The following CIB3 variants were observed in gnomAD, a reference collection of about 807,000 sequenced individuals.
CIB3 encodes the protein calcium and integrin-binding family member 3.
Under a neutral mutation model 23.4 loss-of-function variants are expected in CIB3, and 22 were observed. The observed-to-expected ratio is 0.94, with a 90% CI of 0.67 to 1.34. CIB3 has a LOEUF of 1.34. Among genes scored for constraint, CIB3 ranks in the 40% most tolerant of loss-of-function variants. The probability of loss-of-function intolerance (pLI) is 0.00; values close to 1 mark genes in which losing one functional copy is unlikely to be tolerated. For missense variants in CIB3, 258 were observed against 247.3 expected (o/e 1.04, Z -0.29); for synonymous variants, 93 against 95.8 (o/e 0.97, Z 0.17).
In CIB3 at chr19:16,173,177, C is replaced by T; in HGVS notation, c.71G>A (p.Arg24Lys). The T allele has an allele frequency of 6.2e-7, 1 of 1,613,792 alleles. No homozygotes were observed. Among genetic ancestry groups the T allele is most frequent in the Non-Finnish European group, 8.5e-7 (1 of 1,179,962 alleles). The change falls in exon 2 of 6, where the codon AGG (arginine) becomes AAG (lysine). Residue 24 changes from arginine (R) to lysine (K), a missense_variant. Arg to Lys is a conservative substitution (Grantham distance 26). Transcript: ENST00000269878. ...CTGGACTGACCTCATGATCTCCTTC[C>T]TTGTGAAAAATGTGCAGTCCTGTGG... ...EAYQDCTFFT[R>K]KEIMRLFYRY...
chr19:16,171,796 G>A (rs1247905507), intron 2 of CIB3, among the ~76,000 whole-genome samples: 1 of 152,200 alleles, frequency 6.6e-6, no homozygotes. Context: ...GACCCTGCAA[G>A]CTGTCCTCAC....
intron 3 of CIB3, among the ~76,000 whole-genome samples, chr19:16,169,297 C>G (rs757400874): frequency 6.6e-6 from 1 of 151,344 alleles, no homozygotes; most frequent in African/African-American, 2.4e-5. Flanking sequence ...GTGTGCACTA[C>G]CACGCCCAGC....
At position 16,173,209 on chromosome 19, in the gene CIB3, G is replaced by A. The variant is rs2091337522; in HGVS notation, c.52-13C>T. The A allele has an allele frequency of 3.7e-6, 6 of 1,613,974 alleles. No individual in the cohort carries two copies. The highest frequency in any genetic ancestry group is 5.1e-6 in the Non-Finnish European group (6 of 1,179,968). ...AAAATGTGCAGTCCTGTGGAGAGAGGTGTTGTCTTAACCCGAACCCTGCCT... is the reference window on the plus strand; with the variant it reads ...AAAATGTGCAGTCCTGTGGAGAGAGATGTTGTCTTAACCCGAACCCTGCCT... On this transcript the variant is annotated splice_polypyrimidine_tract_variant and intron_variant, in intron 1 of 5. Coordinates refer to ENST00000269878, the MANE Select transcript of CIB3 (RefSeq NM_054113.4).
rs781382968 is a variant in CIB3, at chr19:16,173,176, C to T, written c.72G>A (p.Arg24=). Residue 24 remains arginine (R), a synonymous_variant, in exon 2 of 6, where the codon AGG becomes AGA. Transcript: ENST00000269878. The part of the protein sequence containing the change: ...EAYQDCTFFT[R]KEIMRLFYRY... ...CCTGGACTGACCTCATGATCTCCTT[C>T]CTTGTGAAAAATGTGCAGTCCTGTG... The T allele has an allele frequency of 1.9e-6, 3 of 1,613,894 alleles. No homozygotes were observed. Among genetic ancestry groups the T allele is most frequent in the South Asian group, 1.1e-5 (1 of 91,078 alleles).
At chr19:16,168,002 T>C in intron 4 of CIB3, 135 bp downstream of exon 4, 1 of 1,109,564 alleles carries the variant, frequency 9.0e-7, no homozygotes, top group Non-Finnish European at 1.3e-6. Flanking sequence ...GGGGAGGCAT[T>C]GGAGTGGGGT....
At position 16,169,746 on chromosome 19, in the gene CIB3, T is replaced by C. The variant is rs1448654367; in HGVS notation, c.87-5A>G. 1.3e-6 allele frequency: 2 copies of C among 1,595,008 alleles called. No individual in the cohort carries two copies. Among genetic ancestry groups the C allele is most frequent in the East Asian group, 2.2e-5 (1 of 44,594 alleles). On this transcript the variant is annotated splice_region_variant and splice_polypyrimidine_tract_variant and intron_variant, in intron 2 of 5. Coordinates refer to ENST00000269878, the MANE Select transcript of CIB3 (RefSeq NM_054113.4). ...TCCTGGTAGCGATAGAAGAGCCTGA[T>C]GTGGGGAGGAAAAAGCTGGGAAAGA...
chr19:16,170,836 AAAAG>A (rs926140624), intron 2 of CIB3, among the ~76,000 whole-genome samples: 1 of 149,468 alleles, frequency 6.7e-6, no homozygotes, highest in African/African-American at 2.5e-5. Context: ...AAAAAAAAAG[AAAAG>A]AAAAAAGAAA....
chr19:16,166,561 C>G (rs1024677780), intron 4 of CIB3, among the ~76,000 whole-genome samples: 4 of 152,262 alleles, frequency 2.6e-5, no homozygotes, highest in Admixed American at 2.0e-4. Flanking sequence ...ATAACTTTTT[C>G]ATTTATTCAT....
At chr19:16,162,409 A>G (rs285231) in intron 5 of CIB3, among the ~76,000 whole-genome samples, 106,181 of 150,920 alleles carry the variant, frequency 0.7, 37,617 homozygotes, top group East Asian at 0.95. Flanking sequence ...CTGGGCAACA[A>G]AGTGAGACCC....
Position 16,162,243 on chromosome 19 carries a change from CAAAAAAAAAA to C in CIB3, c.543-767_543-758del, listed in dbSNP as rs79329568. ...GCAACAAGGCAAGACCTTGTCTCCA[CAAAAAAAAAA>C]AAAAAAAAAAAAAGTTTTTAGTTAG... is the stretch of plus-strand genomic sequence containing the variant. On this transcript the variant is annotated intron_variant, in intron 5 of 5. Coordinates refer to ENST00000269878, the MANE Select transcript of CIB3 (RefSeq NM_054113.4). 7.2e-4 allele frequency among the ~76,000 whole-genome samples: 38 copies of C among 52,492 alleles called. 1 individual carries two copies. Among genetic ancestry groups the C allele is most frequent in the South Asian group, 7.6e-4 (1 of 1,314 alleles). 34.4% of individuals were successfully genotyped at this position (52,492 alleles called of 152,430 possible). A position where few individuals can be genotyped will look rare whatever the true frequency, so the allele number is the denominator to read the frequency against.
chr19:16,170,114 C>T (rs567765774), intron 2 of CIB3, among the ~76,000 whole-genome samples: 13 of 152,210 alleles, frequency 8.5e-5, no homozygotes, highest in Admixed American at 3.3e-4. Context: ...CCTTCTCTTT[C>T]ACATTCACAG....
chr19:16,162,776 T>A (rs562399050), intron 5 of CIB3, among the ~76,000 whole-genome samples: 3 of 151,744 alleles, frequency 2.0e-5, no homozygotes, highest in Admixed American at 6.6e-5. Context: ...ATAAAATAAA[T>A]TAATTAATTA....
chr19:16,168,068 G>T, intron 4 of CIB3, 69 bp downstream of exon 4: 2 of 1,530,288 alleles, frequency 1.3e-6, no homozygotes, highest in African/African-American at 1.4e-5. Context: ...TGTGATGTGG[G>T]TGCCACCCAC....
rs538846911 is a variant in CIB3 at position 16,169,795 on chromosome 19, C to T, written c.87-54G>A. 56 of 1,438,956 alleles carry T rather than the reference C, an allele frequency of 3.9e-5. No homozygotes were observed. The African/African-American group carries it at 7.2e-4, about 18-fold the overall frequency. 89.1% of individuals were successfully genotyped at this position (1,438,956 alleles called of 1,614,324 possible). Reference sequence around the variant, plus strand: ...GACTGGGAGCAGGGAGCAGGCAAGACGCTTGTCCCTTCTTTGTTTTTTGAG... The same window carrying T: ...GACTGGGAGCAGGGAGCAGGCAAGATGCTTGTCCCTTCTTTGTTTTTTGAG... On this transcript the variant is annotated intron_variant, in intron 2 of 5. Coordinates refer to ENST00000269878, the MANE Select transcript of CIB3 (RefSeq NM_054113.4).
At chr19:16,171,872 C>T (rs1318205) in intron 2 of CIB3, among the ~76,000 whole-genome samples, 129,754 of 152,308 alleles carry the variant, frequency 0.85, 55,374 homozygotes, top group East Asian at 0.96. Flanking sequence ...TACTACACAA[C>T]TGGGGCCTTG....
intron 4 of CIB3, 135 bp downstream of exon 4, chr19:16,168,002 T>G: frequency 9.0e-7 from 1 of 1,109,564 alleles, no homozygotes; most frequent in Non-Finnish European, 1.3e-6. Flanking sequence ...GGGGAGGCAT[T>G]GGAGTGGGGT....
At position 16,168,232 on chromosome 19, in the gene CIB3, C is replaced by T; in HGVS notation, c.251G>A (p.Gly84Asp). Residue 84 changes from glycine to aspartate, a missense_variant, in exon 4 of 6, where the codon GGC (glycine) becomes GAC (aspartate). Coordinates refer to ENST00000269878, the MANE Select transcript of CIB3 (RefSeq NM_054113.4). ...CAAAAAGTTGTCCAGGGTCATGTGGCCATCCCCATCCTCAGAGAATACCTG... is the reference window on the plus strand; with the variant it reads ...CAAAAAGTTGTCCAGGGTCATGTGGTCATCCCCATCCTCAGAGAATACCTG... ...IAQVFSEDGD[G>D]HMTLDNFLDM... 3 of 1,613,630 alleles carry T rather than the reference C, an allele frequency of 1.9e-6. No homozygotes were observed. Among genetic ancestry groups the T allele is most frequent in the Non-Finnish European group, 2.5e-6 (3 of 1,179,874 alleles).
At chr19:16,171,915 G>C (rs936464776) in intron 2 of CIB3, among the ~76,000 whole-genome samples, 2 of 152,254 alleles carry the variant, frequency 1.3e-5, no homozygotes, top group African/African-American at 4.8e-5. Flanking sequence ...ACCCTGGCCA[G>C]CTTGGGTTTC....
At chr19:16,164,991 GT>G in intron 4 of CIB3, 78 bp from the exon 5 acceptor site, 1 of 1,267,118 alleles carries the variant, frequency 7.9e-7, no homozygotes, top group Non-Finnish European at 1.1e-6. Flanking sequence ...CTGTGCCCAT[GT>G]TACAAGAAGG....
Sources: gnomAD v4.1 joint callset for allele counts (sites outside exome capture counted in the v4.1 genomes callset) on GRCh38, gnomAD v4.1.1 for gene constraint, MANE v1.5 for transcripts, NCBI Gene and HGNC (gene_info 2026-07-23, HGNC 2026-07-21) for gene names.